Variants in ETS1 observed in about 807,000 individuals in gnomAD.
ETS1 encodes ETS proto-oncogene 1, transcription factor.
ETS1 carries 15 observed loss-of-function variants against 58.6 expected under a neutral mutation model. The observed-to-expected ratio is 0.26, with a 90% confidence interval of 0.17 to 0.39. The LOEUF (loss-of-function observed/expected upper bound fraction) is 0.39, where lower values mean the gene tolerates loss of function less well. Among genes scored for constraint, ETS1 ranks in the 10% least tolerant of loss-of-function variants. ETS1 has a pLI of 1.00. For synonymous variants in ETS1, 214 were observed against 218.2 expected, an observed-to-expected ratio of 0.98 and a Z score of 0.17; for missense variants, 417 against 610.5, an observed-to-expected ratio of 0.68 and a Z score of 3.34.
intron 5 of ETS1, among the ~76,000 whole-genome samples, chr11:128,486,407 TC>T (rs555584751): frequency 8.0e-4 from 122 of 152,312 alleles, no homozygotes; most frequent in South Asian, 1.0e-3. Flanking sequence ...ATGAGTAATC[TC>T]TAAGGGCTCA....
chr11:128,487,137 C>T (rs1203040457), intron 5 of ETS1, among the ~76,000 whole-genome samples: 1 of 152,236 alleles, frequency 6.6e-6, no homozygotes, highest in Non-Finnish European at 1.5e-5. Context: ...CAGCTATGTT[C>T]TTTTGCTGCT....
rs1016988075 is a variant in ETS1 at position 128,461,653 on chromosome 11, A to G, written c.*708T>C. ...TTGCTTTTCCAATGGGGTCTATATA[A>G]ACAGTTTTCTTTCATTGTGACAGAA... On this transcript the variant is annotated 3_prime_UTR_variant, in exon 10 of 10. Coordinates refer to ENST00000392668, the MANE Select transcript of ETS1 (RefSeq NM_001143820.2). 3 of 152,800 alleles carry G rather than the reference A, an allele frequency of 2.0e-5. No homozygotes were observed. The highest frequency in any genetic ancestry group is 4.4e-5 in the Non-Finnish European group (3 of 68,054). The allele number at this position is 152,800 out of a possible 1,614,324, so 9.5% of individuals were successfully genotyped here.
chr11:128,469,330 C>T (rs1481408941), intron 8 of ETS1, among the ~76,000 whole-genome samples: 1 of 152,206 alleles, frequency 6.6e-6, no homozygotes, highest in Non-Finnish European at 1.5e-5. Context: ...TGGCAGGTGG[C>T]CCTAAAACAG....
rs1861920563 is a variant in ETS1 at position 128,462,169 on chromosome 11, C to G, written c.*192G>C. 1.8e-6 allele frequency: 1 copy of G among 543,242 alleles called. No individual in the cohort carries two copies. The highest frequency in any genetic ancestry group is 3.3e-6 in the Non-Finnish European group (1 of 305,838). The allele number at this position is 543,242 out of a possible 1,614,324, so 33.7% of individuals were successfully genotyped here. On this transcript the variant is annotated 3_prime_UTR_variant, in exon 10 of 10. Transcript: ENST00000392668. ...CAAGAATTTCTGGTCCCACCCACCC[C>G]ACAAGTCCTGGCTTTCCTTTCCCAA...
chr11:128,515,518 C>T (rs1863499616), intron 3 of ETS1, among the ~76,000 whole-genome samples: 1 of 152,180 alleles, frequency 6.6e-6, no homozygotes, highest in African/African-American at 2.4e-5. Flanking sequence ...TATTAGCTTA[C>T]TTAGATGGTC....
intron 3 of ETS1, among the ~76,000 whole-genome samples, chr11:128,535,803 G>A (rs960228791): frequency 3.3e-5 from 5 of 152,066 alleles, no homozygotes; most frequent in Non-Finnish European, 7.4e-5. Context: ...AATATTCATG[G>A]GCACCTTCCA....
chr11:128,490,691 TCACCAGAG>T (rs1862772143), intron 3 of ETS1, 115 bp from the exon 4 acceptor site: 2 of 653,730 alleles, frequency 3.1e-6, no homozygotes, highest in Non-Finnish European at 5.2e-6. Flanking sequence ...GCTAGCATCC[TCACCAGAG>T]CACCAGAGCA....
chr11:128,480,501 G>GAAAA, intron 7 of ETS1, 50 bp from the exon 8 acceptor site: 2 of 1,060,856 alleles, frequency 1.9e-6, no homozygotes, highest in Non-Finnish European at 1.4e-6. Context: ...GAGGGAGTGG[G>GAAAA]AAAAAAAAAA....
rs1256851599 is a variant in ETS1, at chr11:128,571,507, A to G, written c.69+1555T>C. On this transcript the variant is annotated intron_variant, in intron 2 of 9. Coordinates refer to ENST00000392668, the MANE Select transcript of ETS1 (RefSeq NM_001143820.2). ...CGACAGAGCAAGACTCCGTCAAAAAAAAAAAAAAAAAAAAAAAAAAAAAAA... is the reference window on the plus strand; with the variant it reads ...CGACAGAGCAAGACTCCGTCAAAAAGAAAAAAAAAAAAAAAAAAAAAAAAA... Among the ~76,000 whole-genome samples, 23 of 5,064 alleles carry G rather than the reference A, an allele frequency of 4.5e-3. 2 individuals are homozygous for G. Among genetic ancestry groups the G allele is most frequent in the African/African-American group, 0.04 (21 of 524 alleles). The allele number at this position is 5,064 out of a possible 152,430, so 3.3% of individuals were successfully genotyped here.
intron 8 of ETS1, among the ~76,000 whole-genome samples, chr11:128,466,005 T>C (rs1416803514): frequency 6.6e-6 from 1 of 152,200 alleles, no homozygotes. Context: ...AGGCCTGGCA[T>C]CTAAACTGCC....
chr11:128,528,090 G>A (rs74437690), intron 3 of ETS1, among the ~76,000 whole-genome samples: 177 of 152,310 alleles, frequency 1.2e-3, no homozygotes, highest in Non-Finnish European at 2.1e-3. Flanking sequence ...AGTGTAAGTC[G>A]AGGACAGAGA....
chr11:128,587,170 C>CAA (rs5795624), intron 1 of ETS1, among the ~76,000 whole-genome samples: 20 of 139,288 alleles, frequency 1.4e-4, no homozygotes, highest in East Asian at 4.1e-4. Flanking sequence ...CTCCAATTTG[C>CAA]AAAAAAAAAA....
intron 3 of ETS1, among the ~76,000 whole-genome samples, chr11:128,540,320 CAAA>C (rs112191021): frequency 7.4e-4 from 62 of 83,930 alleles, no homozygotes; most frequent in African/African-American, 3.0e-3. Flanking sequence ...AATTCCATCT[CAAA>C]AAAAAAAAAA....
Position 128,480,485 on chromosome 11 carries a change from G to C in ETS1, c.863-34C>G, listed in dbSNP as rs144497669. ...AAAGGAGGAGGTAGGAAGAGGACAG[G>C]GGGAGGAGGGAGTGGGAAAAAAAAA... On this transcript the variant is annotated intron_variant, in intron 7 of 9. Coordinates refer to ENST00000392668, the MANE Select transcript of ETS1 (RefSeq NM_001143820.2). The C allele has an allele frequency of 9.2e-3, 13,894 of 1,514,222 alleles. 108 individuals are homozygous for C. Among genetic ancestry groups the C allele is most frequent in the Middle Eastern group, 0.022 (123 of 5,608 alleles). 93.8% of individuals were successfully genotyped at this position (1,514,222 alleles called of 1,614,324 possible).
rs566463446 is a variant in ETS1, at chr11:128,517,121, T to C, written c.215-26545A>G. 3.3e-5 allele frequency among the ~76,000 whole-genome samples: 5 copies of C among 152,320 alleles called. No homozygotes were observed. In the East Asian group the frequency reaches 9.6e-4, roughly 29 times the overall value. On this transcript the variant is annotated intron_variant, in intron 3 of 9. Coordinates refer to ENST00000392668, the MANE Select transcript of ETS1 (RefSeq NM_001143820.2). ...AGCAACACATCTGGACTGCCAGGCC[T>C]GGGGACAACCCACAGGATGGACCCT...
intron 3 of ETS1, among the ~76,000 whole-genome samples, chr11:128,494,244 A>G (rs959487829): frequency 2.0e-5 from 3 of 152,244 alleles, no homozygotes; most frequent in African/African-American, 7.2e-5. Flanking sequence ...GATTCTAAAC[A>G]CAACGCACTG....
At chr11:128,536,531 C>T (rs867014632) in intron 3 of ETS1, 12 of 152,126 alleles carry the variant, frequency 7.9e-5, no homozygotes, top group African/African-American at 2.9e-4. Flanking sequence ...CTGTAGAGAT[C>T]TTAAGAGCTT....
At position 128,585,136 on chromosome 11, in the gene ETS1, A is replaced by AAG. The variant is rs796570041; in HGVS notation, c.-15+2351_-15+2352insCT. ...GGAAGGAAAGAAAGAAGAAAGAAAGAAAAGAAAGAAAGAAAGAAAGAAAGA... is the reference window on the plus strand; with the variant it reads ...GGAAGGAAAGAAAGAAGAAAGAAAGAAGAAAGAAAGAAAGAAAGAAAGAAAGA... On this transcript the variant is annotated intron_variant, in intron 1 of 9. Transcript: ENST00000392668. 6.0e-3 allele frequency among the ~76,000 whole-genome samples: 83 copies of AAG among 13,944 alleles called. 4 individuals carry two copies. The highest frequency in any genetic ancestry group is 0.012 in the African/African-American group (23 of 1,960). The allele number at this position is 13,944 out of a possible 152,430, so 9.1% of individuals were successfully genotyped here. A position where few individuals can be genotyped will look rare whatever the true frequency, so the allele number is the denominator to read the frequency against.
chr11:128,525,951 G>T (rs934395614), intron 3 of ETS1, among the ~76,000 whole-genome samples: 1 of 152,178 alleles, frequency 6.6e-6, no homozygotes, highest in South Asian at 2.1e-4. Context: ...CAAGCCAGGG[G>T]ACTCAGATGG....
Sources: allele counts gnomAD v4.1 joint callset (sites outside exome capture counted in the v4.1 genomes callset), GRCh38; gene constraint gnomAD v4.1.1; transcripts MANE v1.5; gene names NCBI Gene and HGNC (gene_info 2026-07-23, HGNC 2026-07-21).